The following NUAK1 variants were observed in gnomAD, a reference collection of about 807,000 sequenced individuals.
NUAK1 encodes the protein NUAK family kinase 1.
Under a neutral mutation model 56.9 loss-of-function variants are expected in NUAK1, and 26 were observed. The ratio of observed to expected loss-of-function variants is 0.46; its 90% confidence interval spans 0.33 to 0.63. NUAK1 has a LOEUF of 0.63. NUAK1 is among the 30% of genes least tolerant of loss of function. The probability of loss-of-function intolerance (pLI) is 0.02; values close to 1 mark genes in which losing one functional copy is unlikely to be tolerated. For synonymous variants in NUAK1, 337 were observed against 336.0 expected, an observed-to-expected ratio of 1.00 and a Z score of -0.03; for missense variants, 727 against 876.1, an observed-to-expected ratio of 0.83 and a Z score of 2.15.
chr12:106,125,080 G>C (rs1429657645), intron 1 of NUAK1, among the ~76,000 whole-genome samples: 1 of 152,132 alleles, frequency 6.6e-6, no homozygotes, highest in African/African-American at 2.4e-5. Flanking sequence ...ATCTGGCCCA[G>C]AGCGCTCATC....
intron 2 of NUAK1, among the ~76,000 whole-genome samples, chr12:106,096,372 C>T (rs1302018472): frequency 6.6e-6 from 1 of 152,076 alleles, no homozygotes; most frequent in Admixed American, 6.6e-5. Context: ...GGTCAAATAG[C>T]TAACTTAATA....
At chr12:106,082,060 C>A (rs2032523260) in intron 4 of NUAK1, among the ~76,000 whole-genome samples, 2 of 152,174 alleles carry the variant, frequency 1.3e-5, no homozygotes, top group African/African-American at 4.8e-5. Context: ...AAGAAGGCTC[C>A]CAGTATAGTA....
chr12:106,077,027 G>C (rs1479225100), intron 4 of NUAK1, among the ~76,000 whole-genome samples: 1 of 152,198 alleles, frequency 6.6e-6, no homozygotes, highest in African/African-American at 2.4e-5. Context: ...ACCATAAAAG[G>C]ATTAACTCCA....
At chr12:106,083,213 G>A (rs144194007) in intron 4 of NUAK1, among the ~76,000 whole-genome samples, 4 of 152,174 alleles carry the variant, frequency 2.6e-5, no homozygotes. Context: ...CTGGTTTCAG[G>A]GGTGGGAAGG....
At chr12:106,137,053 GATAACAGATT>G in intron 1 of NUAK1, among the ~76,000 whole-genome samples, 1 of 135,422 alleles carries the variant, frequency 7.4e-6, no homozygotes, top group Non-Finnish European at 1.7e-5. Context: ...CCAATTAATT[GATAACAGATT>G]TTTTTTTAAA....
rs112164920 is a variant in NUAK1 at position 106,071,145 on chromosome 12, C to T, written c.700-239G>A. 1.3e-3 allele frequency among the ~76,000 whole-genome samples: 193 copies of T among 152,326 alleles called. 1 individual carries two copies. Among genetic ancestry groups the T allele is most frequent in the African/African-American group, 4.4e-3 (182 of 41,576 alleles). On this transcript the variant is annotated intron_variant, in intron 5 of 6. Coordinates refer to ENST00000261402, the MANE Select transcript of NUAK1 (RefSeq NM_014840.3). ...GCCAGTGGTCCCAACTAGTAAAGAA[C>T]TTTCTTAAACAGATTATCTTCTTTA...
At chr12:106,088,091 C>T (rs1421033636) in intron 2 of NUAK1, among the ~76,000 whole-genome samples, 1 of 152,200 alleles carries the variant, frequency 6.6e-6, no homozygotes, top group Non-Finnish European at 1.5e-5. Context: ...GGCAGATGGC[C>T]AGGGACCCAT....
chr12:106,124,924 G>A (rs1162950786), intron 1 of NUAK1, among the ~76,000 whole-genome samples: 2 of 151,924 alleles, frequency 1.3e-5, no homozygotes, highest in Non-Finnish European at 2.9e-5. Context: ...TTGAACCCGG[G>A]AGGTGGAGGT....
intron 5 of NUAK1, 32 bp from the exon 6 acceptor site, chr12:106,070,938 C>T (rs1361827450): frequency 6.2e-7 from 1 of 1,612,922 alleles, no homozygotes. Flanking sequence ...TATAGGAGAG[C>T]TGGGAAACAG....
At chr12:106,082,129 T>C (rs1446047681) in intron 4 of NUAK1, among the ~76,000 whole-genome samples, 1 of 152,218 alleles carries the variant, frequency 6.6e-6, no homozygotes, top group Non-Finnish European at 1.5e-5. Context: ...CGTTTATTAT[T>C]GACTCTCCAG....
Position 106,094,089 on chromosome 12 carries a change from G to A in NUAK1, c.362-7204C>T, listed in dbSNP as rs145422663. ...CTCCCAAAGTGCTGGGATTACAGGC[G>A]TGAGCCTCTGCACCCAGCCCATCTG... On this transcript the variant is annotated intron_variant, in intron 2 of 6. Coordinates refer to ENST00000261402, the MANE Select transcript of NUAK1 (RefSeq NM_014840.3). 2.4e-3 allele frequency among the ~76,000 whole-genome samples: 364 copies of A among 151,786 alleles called. 10 individuals are homozygous for A. The highest frequency in any genetic ancestry group is 3.1e-4 in the Non-Finnish European group (21 of 67,932).
intron 4 of NUAK1, among the ~76,000 whole-genome samples, chr12:106,073,399 T>C (rs2032426208): frequency 6.6e-6 from 1 of 152,178 alleles, no homozygotes; most frequent in Non-Finnish European, 1.5e-5. Context: ...AATGGACTAA[T>C]TGACTCACAG....
At chr12:106,071,782 C>A (rs2032408863) in intron 5 of NUAK1, among the ~76,000 whole-genome samples, 1 of 152,080 alleles carries the variant, frequency 6.6e-6, no homozygotes, top group Non-Finnish European at 1.5e-5. Context: ...GTTCTATGCT[C>A]CTCCCTCACA....
At position 106,067,704 on chromosome 12, in the gene NUAK1, G is replaced by A. The variant is rs574902249; in HGVS notation, c.1084C>T (p.Leu362=). 2 of 1,614,102 alleles carry A rather than the reference G, an allele frequency of 1.2e-6. No individual in the cohort carries two copies. The highest frequency in any genetic ancestry group is 2.7e-5 in the African/African-American group (2 of 74,936). The part of the protein sequence containing the change: ...LAKPTTSEVM[L]ERQRSLKKSK... ...TTCTTCAGCGACCGCTGCCGCTCTAGCATGACCTCAGAGGTCGTGGGTTTG... is the reference window on the plus strand; with the variant it reads ...TTCTTCAGCGACCGCTGCCGCTCTAACATGACCTCAGAGGTCGTGGGTTTG... The change falls in exon 7 of 7, where the codon CTA becomes TTA. Residue 362 remains leucine (L), a synonymous_variant. Transcript: ENST00000261402. This position sits in a 1 kb window ranked among gnomAD's most constrained non-coding sequence, Gnocchi z 6.0.
At chr12:106,076,072 G>A (rs908276988) in intron 4 of NUAK1, among the ~76,000 whole-genome samples, 11 of 152,214 alleles carry the variant, frequency 7.2e-5, no homozygotes, top group Admixed American at 2.0e-4. Context: ...AAATAGCAGT[G>A]AGGATACTGC....
At chr12:106,076,558 G>A (rs1408388694) in intron 4 of NUAK1, among the ~76,000 whole-genome samples, 3 of 152,158 alleles carry the variant, frequency 2.0e-5, no homozygotes, top group East Asian at 3.8e-4. Context: ...AAGGAGCCCC[G>A]GAACTCAAGG....
At chr12:106,108,006 TG>T (rs2032819970) in intron 1 of NUAK1, among the ~76,000 whole-genome samples, 1 of 152,098 alleles carries the variant, frequency 6.6e-6, no homozygotes, top group Non-Finnish European at 1.5e-5. Flanking sequence ...ACACCATGCT[TG>T]GCATACGGTA....
At chr12:106,074,009 A>G (rs373090733) in intron 4 of NUAK1, among the ~76,000 whole-genome samples, 1 of 152,142 alleles carries the variant, frequency 6.6e-6, no homozygotes, top group Non-Finnish European at 1.5e-5. Context: ...ATGTATATGT[A>G]TATGTACACA....
chr12:106,076,518 T>A (rs1297259660), intron 4 of NUAK1, among the ~76,000 whole-genome samples: 1 of 152,312 alleles, frequency 6.6e-6, no homozygotes, highest in South Asian at 2.1e-4. Context: ...GCCCCTGCCC[T>A]GTGCTATTCA....
Sources: gnomAD v4.1 joint callset for allele counts (sites outside exome capture counted in the v4.1 genomes callset) on GRCh38, gnomAD v4.1.1 for gene constraint, Gnocchi (gnomAD v3.1) non-coding constraint, MANE v1.5 for transcripts, NCBI Gene and HGNC (gene_info 2026-07-23, HGNC 2026-07-21) for gene names.